The following PKHD1 variants were observed in gnomAD, a reference collection of about 807,000 sequenced individuals.
PKHD1 encodes the protein PKHD1 ciliary IPT domain containing fibrocystin/polyductin.
Under a neutral mutation model 412.0 loss-of-function variants are expected in PKHD1, and 291 were observed. The observed-to-expected ratio is 0.71, with a 90% CI of 0.64 to 0.78. The LOEUF (loss-of-function observed/expected upper bound fraction) is 0.78, where lower values mean the gene tolerates loss of function less well. Ranked by LOEUF, PKHD1 falls within the 30% of genes least tolerant of loss-of-function variation. The pLI, the probability that PKHD1 is intolerant of heterozygous loss-of-function variation, is 0.00. For missense variants in PKHD1, 4,825 were observed against 4,950.7 expected, an observed-to-expected ratio of 0.97 and a Z score of 0.76; for synonymous variants, 1,777 against 1,821.5, an observed-to-expected ratio of 0.98 and a Z score of 0.62.
intron 52 of PKHD1, among the ~76,000 whole-genome samples, chr6:51,794,216 T>G (rs1363565904): frequency 6.6e-6 from 1 of 152,088 alleles, no homozygotes; most frequent in Non-Finnish European, 1.5e-5. Flanking sequence ...TTTTTAATAA[T>G]AGCCATTCTG....
At chr6:51,794,611 T>A (rs948526686) in intron 52 of PKHD1, among the ~76,000 whole-genome samples, 1 of 152,230 alleles carries the variant, frequency 6.6e-6, no homozygotes, top group Non-Finnish European at 1.5e-5. Flanking sequence ...TTGTCCTGAA[T>A]GGTATTGCCT....
chr6:52,045,983 T>G, intron 24 of PKHD1, 21 bp downstream of exon 24: 1 of 1,570,994 alleles, frequency 6.4e-7, no homozygotes, highest in Non-Finnish European at 8.8e-7. Flanking sequence ...TCCATGCCAC[T>G]AGAAGGGATA....
chr6:51,703,354 AGTC>A (rs1459256071), intron 60 of PKHD1, among the ~76,000 whole-genome samples: 1 of 152,020 alleles, frequency 6.6e-6, no homozygotes, highest in South Asian at 2.1e-4. Flanking sequence ...GTGAGGATAC[AGTC>A]AAGAAGTACT....
rs183400282 is a variant in PKHD1, at chr6:52,010,770, T to C, written c.5601-311A>G. Among the ~76,000 whole-genome samples, 366 of 152,304 alleles carry C rather than the reference T, an allele frequency of 2.4e-3. 1 individual carries two copies. Among genetic ancestry groups the C allele is most frequent in the Middle Eastern group, 6.8e-3 (2 of 294 alleles). On this transcript the variant is annotated intron_variant, in intron 34 of 66. Coordinates refer to ENST00000371117, the MANE Select transcript of PKHD1 (RefSeq NM_138694.4). ...AGCTTAACAAGAAATGCAGGGACAATACTTCCAGTTCCAAAAAGGGTAACA... is the reference window on the plus strand; with the variant it reads ...AGCTTAACAAGAAATGCAGGGACAACACTTCCAGTTCCAAAAAGGGTAACA...
chr6:51,893,752 GA>G (rs113363869), intron 43 of PKHD1, among the ~76,000 whole-genome samples: 11,706 of 151,734 alleles, frequency 0.077, 635 homozygotes, highest in African/African-American at 0.16. Flanking sequence ...ATAGTCACTA[GA>G]AAAAAAGTGA....
intron 35 of PKHD1, among the ~76,000 whole-genome samples, chr6:51,971,568 C>T (rs1014187481): frequency 1.3e-5 from 2 of 152,118 alleles, no homozygotes; most frequent in Non-Finnish European, 2.9e-5. Flanking sequence ...GTAAATACCA[C>T]AAGGACTTCT....
intron 37 of PKHD1, among the ~76,000 whole-genome samples, chr6:51,927,839 C>A (rs6921799): frequency 0.38 from 58,141 of 151,888 alleles, 11,936 homozygotes; most frequent in East Asian, 0.76. Context: ...TGGCTTGAAC[C>A]AACTTTCTAG....
chr6:51,665,646 T>C (rs896445764), intron 60 of PKHD1, among the ~76,000 whole-genome samples: 3 of 152,142 alleles, frequency 2.0e-5, no homozygotes, highest in African/African-American at 7.2e-5. Context: ...CACAATGAAA[T>C]TGTGAGAAGC....
Position 51,748,336 on chromosome 6 carries a change from T to G in PKHD1, c.9280A>C (p.Asn3094His). 6.2e-7 allele frequency: 1 copy of G among 1,614,104 alleles called. No homozygotes were observed. The highest frequency in any genetic ancestry group is 2.2e-5 in the East Asian group (1 of 44,882). The part of the protein sequence containing the change: ...NQVKDINLHG[N>H]VVAGSERLGF... ...AGTCTCTCTGATCCTGCCACAACGT[T>G]GCCATGGAGGTTGATGTCCTTTACC... is the stretch of plus-strand genomic sequence containing the variant. The change falls in exon 58 of 67, where the codon AAC becomes CAC. Residue 3094 changes from asparagine to histidine, a missense_variant. By Grantham distance (68) the Asn-to-His change is moderately conservative (BLOSUM62 1). Transcript: ENST00000371117.
chr6:51,793,985 T>C (rs1397001857), intron 52 of PKHD1, among the ~76,000 whole-genome samples: 2 of 151,994 alleles, frequency 1.3e-5, no homozygotes, highest in East Asian at 3.9e-4. Context: ...TTTACACTCC[T>C]ACCAATAGTG....
rs965032678 is a variant in PKHD1, at chr6:52,043,869, T to G, written c.2716-139A>C. The G allele has an allele frequency of 6.2e-6, 4 of 644,504 alleles. No homozygotes were observed. The African/African-American group carries it at 7.2e-5, about 12-fold the overall frequency. 39.9% of individuals were successfully genotyped at this position (644,504 alleles called of 1,614,324 possible). A position where few individuals can be genotyped will look rare whatever the true frequency, so the allele number is the denominator to read the frequency against. ...TTATTCCTTTTTTCTATTTTTCCAGTAATTAATCTTAAATTGCAATGAATG... is the reference window on the plus strand; with the variant it reads ...TTATTCCTTTTTTCTATTTTTCCAGGAATTAATCTTAAATTGCAATGAATG... On this transcript the variant is annotated intron_variant, in intron 25 of 66. Coordinates refer to ENST00000371117, the MANE Select transcript of PKHD1 (RefSeq NM_138694.4).
rs534831346 is a variant in PKHD1, at chr6:51,959,899, G to T, written c.5879C>A (p.Thr1960Lys). The change falls in exon 36 of 67, where the codon ACA becomes AAA. Residue 1960 changes from threonine (T) to lysine (K), a missense_variant. Physicochemically the swap from Thr to Lys is moderately conservative, Grantham distance 78. Coordinates refer to ENST00000371117, the MANE Select transcript of PKHD1 (RefSeq NM_138694.4). ...AATGTGCAGTAAGTTGAGGATGCTTGTGTTAGTGTCCAGCAGAAGCAATTG... is the reference window on the plus strand; with the variant it reads ...AATGTGCAGTAAGTTGAGGATGCTTTTGTTAGTGTCCAGCAGAAGCAATTG... ...NGQLLLLDTN[T>K]SILNLLHIKG... is the part of the protein sequence containing the mutation. The T allele has an allele frequency of 1.2e-6, 2 of 1,613,318 alleles. No homozygotes were observed. Among genetic ancestry groups the T allele is most frequent in the Admixed American group, 1.7e-5 (1 of 59,990 alleles).
rs1450965219 is a variant in PKHD1, at chr6:51,903,735, T to A, written c.6866-8A>T. 1 of 1,607,614 alleles carries A rather than the reference T, an allele frequency of 6.2e-7. No homozygotes were observed. The highest frequency in any genetic ancestry group is 1.3e-5 in the African/African-American group (1 of 74,480). The stretch of plus-strand genomic sequence containing the variant: ...TTCCATGTCCTGACCAGTCTAATGT[T>A]TCAACAAATCCAGGGGATCCACAAA... On this transcript the variant is annotated splice_polypyrimidine_tract_variant and splice_region_variant and intron_variant, in intron 42 of 66. Coordinates refer to ENST00000371117, the MANE Select transcript of PKHD1 (RefSeq NM_138694.4).
intron 6 of PKHD1, among the ~76,000 whole-genome samples, chr6:52,074,442 G>C (rs989907849): frequency 1.3e-5 from 2 of 152,228 alleles, no homozygotes; most frequent in Admixed American, 6.5e-5. Flanking sequence ...AGAGTCTCAA[G>C]TTTCCTGTTA....
chr6:51,893,336 G>A (rs1187780935), intron 43 of PKHD1, among the ~76,000 whole-genome samples: 1 of 152,190 alleles, frequency 6.6e-6, no homozygotes, highest in African/African-American at 2.4e-5. Flanking sequence ...TGGGTTTGTT[G>A]AATCATCTGC....
chr6:51,896,886 T>C (rs535137727), intron 43 of PKHD1, among the ~76,000 whole-genome samples: 1 of 152,226 alleles, frequency 6.6e-6, no homozygotes, highest in East Asian at 1.9e-4. Context: ...TCAGGAGCCA[T>C]GCGATCAACT....
At chr6:51,755,737 TAA>T (rs1235151997) in intron 55 of PKHD1, among the ~76,000 whole-genome samples, 1 of 152,186 alleles carries the variant, frequency 6.6e-6, no homozygotes, top group Non-Finnish European at 1.5e-5. Context: ...CAAGCTTTGA[TAA>T]AGAGTCTCCT....
chr6:51,865,015 G>T (rs951131031), intron 48 of PKHD1, among the ~76,000 whole-genome samples: 1 of 152,112 alleles, frequency 6.6e-6, no homozygotes, highest in Non-Finnish European at 1.5e-5. Flanking sequence ...GGACCCTGGA[G>T]AAAAACTGTC....
chr6:51,801,652 T>TGA lies in PKHD1; in HGVS notation c.8303-10280_8303-10279insTC, dbSNP rs1250289397. ...CTGCTGGCCTGATTGTGTGTGTGTG[T>TGA]GTGAGAGAGAGAGAGAGAGAGAGAG... is the stretch of plus-strand genomic sequence containing the variant. On this transcript the variant is annotated intron_variant, in intron 52 of 66. Coordinates refer to ENST00000371117, the MANE Select transcript of PKHD1 (RefSeq NM_138694.4). 1.6e-3 allele frequency among the ~76,000 whole-genome samples: 230 copies of TGA among 143,192 alleles called. 2 individuals carry two copies. The highest frequency in any genetic ancestry group is 5.2e-3 in the African/African-American group (192 of 37,190). The allele number at this position is 143,192 out of a possible 152,430, so 93.9% of individuals were successfully genotyped here. A position where few individuals can be genotyped will look rare whatever the true frequency, so the allele number is the denominator to read the frequency against.
Sources: gnomAD v4.1 joint callset for allele counts (sites outside exome capture counted in the v4.1 genomes callset) on GRCh38, gnomAD v4.1.1 for gene constraint, MANE v1.5 for transcripts, NCBI Gene and HGNC (gene_info 2026-07-23, HGNC 2026-07-21) for gene names.